Variants in TEX14 observed in about 807,000 individuals in gnomAD.
TEX14 encodes inactive serine/threonine-protein kinase TEX14.
A neutral mutation model predicts 178.6 loss-of-function variants in TEX14; 168 were observed. That is an observed-to-expected ratio of 0.94 (90% CI 0.83 to 1.07). The LOEUF is 1.07. Ranked by LOEUF, TEX14 falls within the 50% of genes least tolerant of loss-of-function variation. TEX14 has a pLI of 0.00. For missense variants in TEX14, 1,730 were observed against 1,753.6 expected, an observed-to-expected ratio of 0.99 and a Z score of 0.24; for synonymous variants, 626 against 634.1, an observed-to-expected ratio of 0.99 and a Z score of 0.19.
chr17:58,690,079 G>A (rs2047667236), intron 1 of TEX14, among the ~76,000 whole-genome samples: 1 of 152,042 alleles, frequency 6.6e-6, no homozygotes, highest in African/African-American at 2.4e-5. Context: ...TCGATCTCCT[G>A]ACCTTGTGAT....
chr17:58,641,868 G>T (rs1388264347), intron 2 of TEX14, among the ~76,000 whole-genome samples: 2 of 152,170 alleles, frequency 1.3e-5, no homozygotes, highest in Non-Finnish European at 2.9e-5. Flanking sequence ...AAGGAGAATA[G>T]TTGATTATTT....
At chr17:58,674,798 G>C (rs9909635) in intron 1 of TEX14, among the ~76,000 whole-genome samples, 1 of 148,262 alleles carries the variant, frequency 6.7e-6, no homozygotes, top group Non-Finnish European at 1.5e-5. Flanking sequence ...TCAATAAAGT[G>C]GTTAAAAAAA....
chr17:58,626,114 T>C (rs1372974865), intron 3 of TEX14, among the ~76,000 whole-genome samples: 1 of 152,186 alleles, frequency 6.6e-6, no homozygotes, highest in Non-Finnish European at 1.5e-5. Flanking sequence ...GATCTGGCTT[T>C]CCTGGCTCCC....
In TEX14 at chr17:58,661,419, G is replaced by A. The variant is rs1271010040; in HGVS notation, c.-1-9417C>T. 4.8e-6 allele frequency: 4 copies of A among 833,462 alleles called. 1 individual carries two copies. The South Asian group carries it at 5.3e-5, about 11-fold the overall frequency. 51.6% of individuals were successfully genotyped at this position (833,462 alleles called of 1,614,324 possible). A position where few individuals can be genotyped will look rare whatever the true frequency, so the allele number is the denominator to read the frequency against. The stretch of plus-strand genomic sequence containing the variant: ...TCTTCATTTCGGCTGAACAAGTCAA[G>A]CTGCGATAACATTTTGGCAACCTTG... On this transcript the variant is annotated intron_variant, in intron 1 of 31. Coordinates refer to ENST00000349033, the MANE Select transcript of TEX14 (RefSeq NM_031272.5).
rs539753169 is a variant in TEX14, at chr17:58,569,933, T to C, written c.3817+452A>G. 1.2e-4 allele frequency among the ~76,000 whole-genome samples: 19 copies of C among 152,294 alleles called. No individual in the cohort carries two copies. The highest frequency in any genetic ancestry group is 4.6e-4 in the African/African-American group (19 of 41,562). ...AGGATCAGAGGTACAGATAAAAATT[T>C]ATGTATAAAGAGCAAAAATTGGAAA... On this transcript the variant is annotated intron_variant, in intron 25 of 31. Transcript: ENST00000349033. This position sits in a 1 kb window ranked among gnomAD's most constrained non-coding sequence, Gnocchi z 4.1.
Position 58,588,016 on chromosome 17 carries a change from C to A in TEX14, c.2582G>T (p.Gly861Val). Residue 861 changes from glycine (G) to valine (V), a missense_variant, in exon 16 of 32, where the codon GGA becomes GTA. Transcript: ENST00000349033. ...TTGGGCAGTGGACTCTCTAGGTCTT[C>A]CCTGGCTAAGAAATGAAAGGACTGA... ...TSRIQNTSSQ[G>V]RPRESTAQAK... The A allele has an allele frequency of 3.6e-6, 4 of 1,124,224 alleles. No individual in the cohort carries two copies. The highest frequency in any genetic ancestry group is 5.5e-6 in the Non-Finnish European group (4 of 733,340). 69.6% of individuals were successfully genotyped at this position (1,124,224 alleles called of 1,614,324 possible).
At chr17:58,687,533 A>C (rs1330201910) in intron 1 of TEX14, among the ~76,000 whole-genome samples, 1 of 151,934 alleles carries the variant, frequency 6.6e-6, no homozygotes, top group Non-Finnish European at 1.5e-5. Context: ...ACAGGGTTTC[A>C]CCATGTTGGC....
At chr17:58,562,200 CTCTGTCTCAAT>C (rs1191026316) in intron 28 of TEX14, among the ~76,000 whole-genome samples, 4 of 152,224 alleles carry the variant, frequency 2.6e-5, no homozygotes, top group Admixed American at 6.5e-5. Flanking sequence ...TGATGGTAGA[CTCTGTCTCAAT>C]TCTAGGTCAC....
chr17:58,594,831 C>CTATTAA (rs10635501), intron 14 of TEX14, among the ~76,000 whole-genome samples: 34,174 of 151,900 alleles, frequency 0.22, 4,129 homozygotes, highest in South Asian at 0.33. Context: ...ATTCAAGAGA[C>CTATTAA]TATTAGCTCT....
chr17:58,684,508 G>A (rs890694860), intron 1 of TEX14, among the ~76,000 whole-genome samples: 20 of 150,568 alleles, frequency 1.3e-4, no homozygotes, highest in African/African-American at 4.2e-4. Context: ...ATGGTGACAC[G>A]TGCCTGTTCC....
chr17:58,584,756 TAG>T (rs1224681496), intron 18 of TEX14, among the ~76,000 whole-genome samples, 156 bp from the exon 19 acceptor site: 2 of 152,208 alleles, frequency 1.3e-5, no homozygotes, highest in Non-Finnish European at 2.9e-5. Context: ...TAGAGACTGT[TAG>T]TTTAGCCTGA....
At chr17:58,659,308 T>G (rs529280872) in intron 1 of TEX14, 14 of 975,814 alleles carry the variant, frequency 1.4e-5, no homozygotes, top group Non-Finnish European at 1.7e-5. Context: ...AAAGACATTA[T>G]TTACTTAATA....
chr17:58,659,279 A>G, intron 1 of TEX14: 11 of 922,224 alleles, frequency 1.2e-5, no homozygotes, highest in Non-Finnish European at 1.4e-5. Context: ...CAGGACCAAC[A>G]GCGTCTCTCC....
intron 1 of TEX14, among the ~76,000 whole-genome samples, chr17:58,668,134 A>G (rs1370095414): frequency 6.6e-6 from 1 of 152,058 alleles, no homozygotes; most frequent in African/African-American, 2.4e-5. Context: ...ATCCTGTTAG[A>G]TCAGTTTAGC....
In TEX14 at chr17:58,593,551, C is replaced by T; in HGVS notation, c.2576+4G>A. The T allele has an allele frequency of 1.2e-6, 2 of 1,610,186 alleles. No individual in the cohort carries two copies. The highest frequency in any genetic ancestry group is 1.7e-6 in the Non-Finnish European group (2 of 1,176,458). ...ACATTAAGAACAACAAAATGTTGAC[C>T]CACCTACTGGTATTTTGGATCCTGC... On this transcript the variant is annotated splice_donor_region_variant and intron_variant, in intron 15 of 31. Transcript: ENST00000349033.
rs1414388233 is a variant in TEX14, at chr17:58,619,545, C to T, written c.555-1926G>A. Among the ~76,000 whole-genome samples the T allele has an allele frequency of 5.3e-5, 8 of 152,138 alleles. No individual in the cohort carries two copies. The South Asian group carries it at 1.2e-3, about 24-fold the overall frequency. ...GAGGGGGGGCGGGCACGGTGGCTCA[C>T]GCCTGTAATCCCAGCATTTCAGGAG... On this transcript the variant is annotated intron_variant, in intron 5 of 31. Coordinates refer to ENST00000349033, the MANE Select transcript of TEX14 (RefSeq NM_031272.5).
intron 9 of TEX14, among the ~76,000 whole-genome samples, chr17:58,612,525 A>G (rs1340631334): frequency 6.6e-6 from 1 of 151,992 alleles, no homozygotes; most frequent in African/African-American, 2.4e-5. Context: ...GCCTGAGGTC[A>G]GGAGTTCGAG....
chr17:58,660,005 T>C (rs1239776466), intron 1 of TEX14, among the ~76,000 whole-genome samples: 2 of 151,314 alleles, frequency 1.3e-5, no homozygotes, highest in Non-Finnish European at 2.9e-5. Flanking sequence ...CCCTCAGTGC[T>C]CTTTTCATTC....
chr17:58,691,247 A>G (rs762041828), intron 1 of TEX14, among the ~76,000 whole-genome samples: 49 of 152,154 alleles, frequency 3.2e-4, no homozygotes, highest in Non-Finnish European at 6.0e-4. Flanking sequence ...GCCATTTGAA[A>G]TGTGTGGGAT....
Sources: gnomAD v4.1 joint callset for allele counts (sites outside exome capture counted in the v4.1 genomes callset) on GRCh38, gnomAD v4.1.1 for gene constraint, Gnocchi (gnomAD v3.1) non-coding constraint, MANE v1.5 for transcripts, NCBI Gene and HGNC (gene_info 2026-07-23, HGNC 2026-07-21) for gene names.